MBTD1: variants seen among roughly 807,000 people sequenced by gnomAD.
MBTD1 encodes the protein mbt domain containing 1, also known as MBT domain-containing protein 1.
MBTD1 carries 24 observed loss-of-function variants against 87.8 expected under a neutral mutation model. The observed-to-expected ratio is 0.27, with a 90% CI of 0.20 to 0.38. The LOEUF (loss-of-function observed/expected upper bound fraction) is 0.38. Ranked by LOEUF, MBTD1 falls within the 10% of genes least tolerant of loss-of-function variation. The pLI, the probability that MBTD1 is intolerant of heterozygous loss-of-function variation, is 1.00. For missense variants in MBTD1, 436 were observed against 760.2 expected (o/e 0.57, Z 5.02); for synonymous variants, 237 against 248.6 (o/e 0.95, Z 0.44).
chr17:51,240,292 A>G (rs1407808107), intron 2 of MBTD1, among the ~76,000 whole-genome samples: 2 of 152,184 alleles, frequency 1.3e-5, no homozygotes, highest in African/African-American at 2.4e-5. Flanking sequence ...GTCATTAACT[A>G]AAGTCTACAT....
intron 5 of MBTD1, among the ~76,000 whole-genome samples, chr17:51,218,360 C>G (rs139346019): frequency 6.6e-6 from 1 of 151,928 alleles, no homozygotes; most frequent in East Asian, 1.9e-4. Context: ...GAAACCCTAT[C>G]TCTACTAAAA....
At chr17:51,258,043 A>G (rs900997904) in intron 2 of MBTD1, among the ~76,000 whole-genome samples, 1 of 151,100 alleles carries the variant, frequency 6.6e-6, no homozygotes. Flanking sequence ...TTTTCTTTCT[A>G]AACACTCTGG....
intron 2 of MBTD1, among the ~76,000 whole-genome samples, chr17:51,233,889 C>G (rs2053676405): frequency 6.6e-6 from 1 of 151,974 alleles, no homozygotes; most frequent in African/African-American, 2.4e-5. Flanking sequence ...CAAGACTGAT[C>G]AATGTATTGC....
At chr17:51,206,566 T>C (rs187767277) in intron 7 of MBTD1, among the ~76,000 whole-genome samples, 5 of 152,350 alleles carry the variant, frequency 3.3e-5, no homozygotes. Flanking sequence ...GGATATTTCA[T>C]GATACATAAC....
At chr17:51,218,339 G>A (rs2052688573) in intron 5 of MBTD1, among the ~76,000 whole-genome samples, 1 of 151,890 alleles carries the variant, frequency 6.6e-6, no homozygotes, top group African/African-American at 2.4e-5. Flanking sequence ...GACCAGCCTG[G>A]CCAACATGGT....
Position 51,177,946 on chromosome 17 carries a change from TAA to T in MBTD1, c.*2628_*2629del, listed in dbSNP as rs2050161364. The T allele has an allele frequency of 7.9e-6, 1 of 126,872 alleles. No homozygotes were observed. The highest frequency in any genetic ancestry group is 2.3e-4 in the South Asian group (1 of 4,404). 7.9% of individuals were successfully genotyped at this position (126,872 alleles called of 1,614,324 possible). A position where few individuals can be genotyped will look rare whatever the true frequency, so the allele number is the denominator to read the frequency against. ...AGAGGGTATTCACATCACGCAAAAT[TAA>T]TAATAATAATAAAAACAAACAAACA... On this transcript the variant is annotated 3_prime_UTR_variant, in exon 17 of 17. Coordinates refer to ENST00000586178, the MANE Select transcript of MBTD1 (RefSeq NM_017643.3).
intron 2 of MBTD1, among the ~76,000 whole-genome samples, chr17:51,247,700 T>C (rs777493644): frequency 7.9e-5 from 12 of 152,216 alleles, no homozygotes; most frequent in African/African-American, 2.4e-4. Flanking sequence ...TCCTCCTACC[T>C]TGGCCTCCCA....
chr17:51,260,688 C>T (rs1415611163), upstream of MBTD1: 9 of 1,608,080 alleles, frequency 5.6e-6, no homozygotes, highest in Non-Finnish European at 7.6e-6. Flanking sequence ...GGAGCGGGGC[C>T]AGGCGGGCCT....
intron 10 of MBTD1, 72 bp downstream of exon 10, chr17:51,202,629 G>C (rs2051557252): frequency 1.7e-6 from 2 of 1,145,818 alleles, no homozygotes; most frequent in African/African-American, 1.5e-5. Flanking sequence ...CAATTCTGCA[G>C]AGAAAAATAA....
chr17:51,194,228 T>C (rs761453710), intron 13 of MBTD1, among the ~76,000 whole-genome samples: 6 of 152,190 alleles, frequency 3.9e-5, no homozygotes, highest in Non-Finnish European at 7.3e-5. Context: ...AGTATTAAAA[T>C]TGGAAAAATC....
intron 2 of MBTD1, among the ~76,000 whole-genome samples, chr17:51,231,492 C>T (rs150125714): frequency 6.6e-6 from 1 of 152,132 alleles, no homozygotes; most frequent in African/African-American, 2.4e-5. Context: ...ATTTTCCTCA[C>T]GTCAAGGTCT....
chr17:51,234,131 T>C (rs1598400374), intron 2 of MBTD1, among the ~76,000 whole-genome samples: 1 of 152,232 alleles, frequency 6.6e-6, no homozygotes, highest in East Asian at 1.9e-4. Context: ...GGCTCATGCC[T>C]GTAATTCCAG....
At chr17:51,259,798 C>T (rs1388181215) in intron 1 of MBTD1, 37 bp downstream of exon 1, 1 of 1,232,756 alleles carries the variant, frequency 8.1e-7, no homozygotes, top group Admixed American at 4.2e-5. Context: ...GTCCCCCCCA[C>T]CTGGCACACA....
At chr17:51,202,491 T>C (rs2051549821) in intron 10 of MBTD1, among the ~76,000 whole-genome samples, 2 of 152,134 alleles carry the variant, frequency 1.3e-5, no homozygotes, top group Non-Finnish European at 2.9e-5. Flanking sequence ...CCAGAAGAAG[T>C]TCCTTCTTTT....
At chr17:51,191,873 A>G (rs1288471008) in intron 16 of MBTD1, 1 of 253,224 alleles carries the variant, frequency 3.9e-6, no homozygotes, top group Non-Finnish European at 7.6e-6. Context: ...GAGCCACTGC[A>G]CCTGGCTGCT....
intron 2 of MBTD1, among the ~76,000 whole-genome samples, chr17:51,257,771 C>T (rs976628503): frequency 6.6e-6 from 1 of 152,126 alleles, no homozygotes; most frequent in Admixed American, 6.6e-5. Context: ...TACACCTCTA[C>T]TGATTCTTTT....
At chr17:51,206,807 A>T (rs1448766056) in intron 7 of MBTD1, 81 bp downstream of exon 7, 2 of 1,014,344 alleles carry the variant, frequency 2.0e-6, no homozygotes, top group East Asian at 4.8e-5. Flanking sequence ...CAATACTTGC[A>T]AAATTTATAA....
intron 12 of MBTD1, among the ~76,000 whole-genome samples, chr17:51,197,763 T>C (rs2051222216): frequency 6.6e-6 from 1 of 152,148 alleles, no homozygotes; most frequent in Non-Finnish European, 1.5e-5. Flanking sequence ...TGCCTCGGCC[T>C]CTCAAAGTGC....
intron 12 of MBTD1, among the ~76,000 whole-genome samples, chr17:51,201,201 G>C (rs1271453387): frequency 6.6e-6 from 1 of 152,110 alleles, no homozygotes; most frequent in African/African-American, 2.4e-5. Context: ...AGTTTCAGAT[G>C]AGGGGGAAAA....
Sources: allele counts gnomAD v4.1 joint callset (sites outside exome capture counted in the v4.1 genomes callset), GRCh38; gene constraint gnomAD v4.1.1; transcripts MANE v1.5; gene names NCBI Gene and HGNC (gene_info 2026-07-23, HGNC 2026-07-21).